Variants in ADAMTSL3 observed in about 807,000 individuals in gnomAD.
The protein encoded by ADAMTSL3 is ADAMTS-like protein 3.
Under a neutral mutation model 201.7 loss-of-function variants are expected in ADAMTSL3, and 128 were observed. The observed-to-expected ratio is 0.63, with a 90% CI of 0.55 to 0.73. The LOEUF (loss-of-function observed/expected upper bound fraction) is 0.73. ADAMTSL3 is among the 30% of genes least tolerant of loss of function. The pLI is 0.00. For synonymous variants in ADAMTSL3, 738 were observed against 748.4 expected (o/e 0.99, Z 0.23); for missense variants, 1,990 against 2,119.6 (o/e 0.94, Z 1.20).
chr15:84,030,028 A>G (rs55701738), intron 27 of ADAMTSL3, among the ~76,000 whole-genome samples: 2,894 of 152,342 alleles, frequency 0.019, 41 homozygotes, highest in Non-Finnish European at 0.031. Context: ...GAATGTATGG[A>G]AAACCCTAGA....
At position 83,988,740 on chromosome 15, in the gene ADAMTSL3, A is replaced by T; in HGVS notation, c.3766A>T (p.Lys1256Ter). 6.2e-7 allele frequency: 1 copy of T among 1,609,778 alleles called. No individual in the cohort carries two copies. The highest frequency in any genetic ancestry group is 8.5e-7 in the Non-Finnish European group (1 of 1,177,396). Reference sequence around the variant, plus strand: ...GATACAGATACAGAATCCTACAAGGAAAGAACAAGGCATATATGAATGTTC... The same window carrying T: ...GATACAGATACAGAATCCTACAAGGTAAGAACAAGGCATATATGAATGTTC... ...GKIQIQNPTR[K>*]EQGIYECSVA... The change falls in exon 22 of 30, where the codon AAA becomes TAA. Residue 1256 changes from lysine (K) to a stop codon, truncating the protein, a stop_gained. Transcript: ENST00000286744. LOFTEE classifies it high-confidence loss of function.
At chr15:83,868,473 C>A (rs975162331) in intron 8 of ADAMTSL3, among the ~76,000 whole-genome samples, 1 of 152,198 alleles carries the variant, frequency 6.6e-6, no homozygotes, top group African/African-American at 2.4e-5. Flanking sequence ...CGGCCTCCAC[C>A]TTGCTGTGGA....
chr15:83,890,370 G>T, intron 11 of ADAMTSL3, 123 bp downstream of exon 11: 1 of 1,247,096 alleles, frequency 8.0e-7, no homozygotes, highest in Non-Finnish European at 1.1e-6. Context: ...GGCGGCAGGT[G>T]CCTACATTCA....
intron 10 of ADAMTSL3, 76 bp downstream of exon 10, chr15:83,885,288 AT>A: frequency 8.5e-7 from 1 of 1,175,550 alleles, no homozygotes; most frequent in Non-Finnish European, 1.2e-6. Flanking sequence ...TTTGAAGCTG[AT>A]TTTAAAATTG....
At chr15:83,975,030 G>A (rs2067259275) in intron 20 of ADAMTSL3, among the ~76,000 whole-genome samples, 1 of 137,832 alleles carries the variant, frequency 7.3e-6, no homozygotes. Context: ...TTGAGACGGA[G>A]TCTCGCTCTC....
chr15:83,985,957 C>T (rs993969457), intron 21 of ADAMTSL3, among the ~76,000 whole-genome samples: 19 of 151,824 alleles, frequency 1.3e-4, no homozygotes, highest in African/African-American at 4.6e-4. Flanking sequence ...GGGAAACTGG[C>T]ATTTTTTTTT....
At chr15:83,926,222 G>T (rs189839766) in intron 17 of ADAMTSL3, among the ~76,000 whole-genome samples, 1 of 152,178 alleles carries the variant, frequency 6.6e-6, no homozygotes, top group South Asian at 2.1e-4. Context: ...AGAGGGAACA[G>T]TATGTGCAAA....
At chr15:84,036,017 C>G (rs1285325888) in intron 28 of ADAMTSL3, among the ~76,000 whole-genome samples, 1 of 152,134 alleles carries the variant, frequency 6.6e-6, no homozygotes, top group Non-Finnish European at 1.5e-5. Flanking sequence ...TCAACCAGCT[C>G]AAGTTAGGGC....
At chr15:83,854,224 CT>C (rs1051363196) in intron 7 of ADAMTSL3, among the ~76,000 whole-genome samples, 8 of 150,720 alleles carry the variant, frequency 5.3e-5, no homozygotes, top group Non-Finnish European at 8.9e-5. Context: ...TCTTTAGTTT[CT>C]TTTTTTTTAG....
At chr15:83,765,572 A>T (rs978533040) in intron 3 of ADAMTSL3, among the ~76,000 whole-genome samples, 2 of 152,172 alleles carry the variant, frequency 1.3e-5, no homozygotes, top group African/African-American at 4.8e-5. Flanking sequence ...ATATTTTATG[A>T]TTTGATTTAT....
In ADAMTSL3 at chr15:83,889,143, C is replaced by T. The variant is rs113077030; in HGVS notation, c.1073-966C>T. Among the ~76,000 whole-genome samples, 99 of 152,132 alleles carry T rather than the reference C, an allele frequency of 6.5e-4. 2 individuals carry two copies. The highest frequency in any genetic ancestry group is 1.9e-4 in the Non-Finnish European group (13 of 68,024). ...ATAGCACTCATCTATTTGCAAAGTT[C>T]ACTTTCCTCAGAAACTCTACAAATT... On this transcript the variant is annotated intron_variant, in intron 10 of 29. Coordinates refer to ENST00000286744, the MANE Select transcript of ADAMTSL3 (RefSeq NM_207517.3).
intron 3 of ADAMTSL3, among the ~76,000 whole-genome samples, chr15:83,737,129 T>C (rs374840822): frequency 6.6e-6 from 1 of 152,190 alleles, no homozygotes; most frequent in Admixed American, 6.6e-5. Flanking sequence ...AAATCATAGA[T>C]TGGCTGATAA....
At chr15:83,701,767 C>G (rs1372699850) in intron 2 of ADAMTSL3, among the ~76,000 whole-genome samples, 1 of 152,194 alleles carries the variant, frequency 6.6e-6, no homozygotes, top group Non-Finnish European at 1.5e-5. Flanking sequence ...AATTAAACCT[C>G]TTTTTCTTCC....
At chr15:83,975,122 C>T (rs1424665753) in intron 20 of ADAMTSL3, among the ~76,000 whole-genome samples, 5 of 151,676 alleles carry the variant, frequency 3.3e-5, no homozygotes, top group Admixed American at 1.3e-4. Flanking sequence ...CTGCCTCAGC[C>T]TCCTGAGTAG....
chr15:83,777,170 C>A (rs567704969), intron 4 of ADAMTSL3, among the ~76,000 whole-genome samples: 2 of 152,340 alleles, frequency 1.3e-5, no homozygotes, highest in Admixed American at 6.5e-5. Flanking sequence ...ACACAGTCAC[C>A]AACAGGGGCC....
chr15:83,689,053 GC>G (rs1321648935), intron 2 of ADAMTSL3, among the ~76,000 whole-genome samples: 1 of 152,046 alleles, frequency 6.6e-6, no homozygotes, highest in African/African-American at 2.4e-5. Flanking sequence ...GAACTCCTGG[GC>G]TCAAGTGATC....
At chr15:83,655,861 G>C in intron 2 of ADAMTSL3, 31 bp downstream of exon 2, 1 of 1,600,182 alleles carries the variant, frequency 6.2e-7, no homozygotes, top group Non-Finnish European at 8.6e-7. Flanking sequence ...GAAGGGAAAT[G>C]GTGGACATCC....
chr15:83,784,986 G>A (rs931993291), intron 4 of ADAMTSL3, among the ~76,000 whole-genome samples: 1 of 152,104 alleles, frequency 6.6e-6, no homozygotes, highest in Non-Finnish European at 1.5e-5. Flanking sequence ...GTGCACACAA[G>A]CAGCATTATT....
Position 83,873,165 on chromosome 15 carries a change from G to A in ADAMTSL3, c.960+2206G>A, listed in dbSNP as rs1430161316. Among the ~76,000 whole-genome samples, 6 of 143,972 alleles carry A rather than the reference G, an allele frequency of 4.2e-5. 1 individual carries two copies. The highest frequency in any genetic ancestry group is 1.1e-4 in the African/African-American group (4 of 37,366). 94.5% of individuals were successfully genotyped at this position (143,972 alleles called of 152,430 possible). On this transcript the variant is annotated intron_variant, in intron 9 of 29. Coordinates refer to ENST00000286744, the MANE Select transcript of ADAMTSL3 (RefSeq NM_207517.3). ...ACTAAAAATACAAAAATAGCCGGAC[G>A]TGGTGGCACGCACCTGTAATCCCAG...
Sources: allele counts gnomAD v4.1 joint callset (sites outside exome capture counted in the v4.1 genomes callset), GRCh38; gene constraint gnomAD v4.1.1; transcripts MANE v1.5; gene names NCBI Gene and HGNC (gene_info 2026-07-23, HGNC 2026-07-21).